The following STK11IP variants were observed in gnomAD, a reference collection of about 807,000 sequenced individuals.
STK11IP encodes serine/threonine-protein kinase 11-interacting protein.
STK11IP carries 103 observed loss-of-function variants against 131.7 expected under a neutral mutation model. The observed-to-expected ratio is 0.78, with a 90% CI of 0.67 to 0.92. STK11IP has a LOEUF of 0.92. STK11IP is among the 40% of genes least tolerant of loss of function. The pLI, the probability that STK11IP is intolerant of heterozygous loss-of-function variation, is 0.00. For synonymous variants in STK11IP, 557 were observed against 575.6 expected, an observed-to-expected ratio of 0.97 and a Z score of 0.46; for missense variants, 1,315 against 1,385.7, an observed-to-expected ratio of 0.95 and a Z score of 0.81.
intron 12 of STK11IP, 23 bp downstream of exon 12, chr2:219,606,881 T>C (rs1304935153): frequency 1.9e-6 from 3 of 1,598,988 alleles, no homozygotes; most frequent in East Asian, 4.5e-5. Flanking sequence ...CTCCGCTGCC[T>C]TGTGCCTGCG....
intron 2 of STK11IP, among the ~76,000 whole-genome samples, chr2:219,599,116 T>G (rs1204144155): frequency 6.6e-6 from 1 of 152,134 alleles, no homozygotes; most frequent in Non-Finnish European, 1.5e-5. Context: ...TGAGACAGAG[T>G]CTTGCTGTGT....
chr2:219,607,943 A>G (rs1698246460), intron 13 of STK11IP, 104 bp from the exon 14 acceptor site: 5 of 1,479,410 alleles, frequency 3.4e-6, no homozygotes, highest in Non-Finnish European at 3.6e-6. Flanking sequence ...CCGTGTCCCC[A>G]TACACAGCCC....
At chr2:219,600,482 T>C (rs1697950658) in intron 2 of STK11IP, among the ~76,000 whole-genome samples, 2 of 152,346 alleles carry the variant, frequency 1.3e-5, no homozygotes, top group African/African-American at 4.8e-5. Context: ...AGGGGACCTT[T>C]CTGTATTATT....
chr2:219,609,731 G>C, intron 17 of STK11IP, 191 bp downstream of exon 17: 14 of 558,804 alleles, frequency 2.5e-5, no homozygotes, highest in Non-Finnish European at 3.3e-5. Flanking sequence ...AAAAAAAGAA[G>C]AAACTATATC....
Position 219,598,174 on chromosome 2 carries a change from G to C in STK11IP, c.55G>C (p.Glu19Gln). 1.3e-6 allele frequency: 2 copies of C among 1,556,418 alleles called. No homozygotes were observed. Among genetic ancestry groups the C allele is most frequent in the East Asian group, 2.4e-5 (1 of 41,000 alleles). ...LLWKLAGLLR[E>Q]SGDVVLSGCS... The stretch of plus-strand genomic sequence containing the variant: ...GTGGAAGCTCGCGGGGTTGCTGCGG[G>C]AGTCCGGTGAGTGGACTTCCGGTTG... The change falls in exon 2 of 25, where the codon GAG becomes CAG. Residue 19 changes from glutamate (E) to glutamine (Q), a missense_variant. Glu to Gln is a conservative substitution (Grantham distance 29, BLOSUM62 2). Transcript: ENST00000456909.
chr2:219,602,835 C>A, intron 7 of STK11IP, 59 bp downstream of exon 7: 1 of 1,513,654 alleles, frequency 6.6e-7, no homozygotes. Flanking sequence ...TCTGCTCTCA[C>A]TCTCTCTCCT....
intron 22 of STK11IP, 94 bp from the exon 23 acceptor site, chr2:219,614,382 C>G: frequency 6.5e-7 from 1 of 1,531,426 alleles, no homozygotes; most frequent in Non-Finnish European, 9.0e-7. Context: ...AGTGTCTCCT[C>G]CCAACCCCCT....
chr2:219,606,625 GTAGGGTC>G, intron 11 of STK11IP, 80 bp from the exon 12 acceptor site: 1 of 1,600,352 alleles, frequency 6.2e-7, no homozygotes, highest in Non-Finnish European at 8.5e-7. Context: ...TCAGTGGAAA[GTAGGGTC>G]CCGCCTTTTG....
At chr2:219,613,714 C>G (rs761697088) in intron 20 of STK11IP, 38 bp from the exon 21 acceptor site, 7 of 1,611,524 alleles carry the variant, frequency 4.3e-6, no homozygotes, top group Non-Finnish European at 5.9e-6. Context: ...TCACTCCACT[C>G]TCATGCTTCT....
At chr2:219,614,759 C>G in intron 23 of STK11IP, 1 of 717,602 alleles carries the variant, frequency 1.4e-6, no homozygotes, top group Admixed American at 2.0e-5. Context: ...TCCTCAGTTA[C>G]CCAGAGCCTT....
chr2:219,606,636 C>T, intron 11 of STK11IP, 76 bp from the exon 12 acceptor site: 6 of 1,596,770 alleles, frequency 3.8e-6, no homozygotes, highest in Non-Finnish European at 5.1e-6. Flanking sequence ...TAGGGTCCCG[C>T]CTTTTGGCTG....
At chr2:219,605,851 G>T (rs1202499710) in intron 8 of STK11IP, 105 bp from the exon 9 acceptor site, 5 of 1,486,676 alleles carry the variant, frequency 3.4e-6, no homozygotes, top group Non-Finnish European at 4.6e-6. Flanking sequence ...GAGTGCAGGG[G>T]TGCTCTGGCC....
intron 23 of STK11IP, 199 bp from the exon 24 acceptor site, chr2:219,614,885 AGTGGGGGGCG>A (rs1698523617): frequency 1.6e-6 from 1 of 639,812 alleles, no homozygotes. Context: ...GGTGTGGGGC[AGTGGGGGGCG>A]GTAGGCCTCA....
At chr2:219,605,204 G>A (rs942742664) in intron 7 of STK11IP, among the ~76,000 whole-genome samples, 1 of 152,128 alleles carries the variant, frequency 6.6e-6, no homozygotes, top group East Asian at 1.9e-4. Context: ...CTGGGGGAGT[G>A]GAAATCAGGT....
rs1698005341 is a variant in STK11IP at position 219,602,073 on chromosome 2, A to G, written c.428A>G (p.Gln143Arg). The G allele has an allele frequency of 1.2e-6, 2 of 1,603,290 alleles. No individual in the cohort carries two copies. Among genetic ancestry groups the G allele is most frequent in the Non-Finnish European group, 1.7e-6 (2 of 1,174,990 alleles). ...LETLICSRSL[Q>R]ALEELLSACG... is the part of the protein sequence containing the mutation. ...ACCCTGATTTGCAGCAGGAGCCTCC[A>G]GGCATTAGAGGTAAGGAGAGTGAGG... The change falls in exon 5 of 25, where the codon CAG (glutamine) becomes CGG (arginine). Residue 143 changes from glutamine to arginine, a missense_variant. Physicochemically the swap from Gln to Arg is conservative, Grantham distance 43. Transcript: ENST00000456909.
Position 219,606,802 on chromosome 2 carries a change from A to C in STK11IP, c.1078A>C (p.Ser360Arg), listed in dbSNP as rs755337172. 9.3e-6 allele frequency: 15 copies of C among 1,613,536 alleles called. No homozygotes were observed. Among genetic ancestry groups the C allele is most frequent in the African/African-American group, 1.3e-5 (1 of 74,912 alleles). ...TPETSGGPDLSDSLSSGGVVT... is the reference protein window; with the variant it reads ...TPETSGGPDLRDSLSSGGVVT... ...TGAAACCTCAGGTGGCCCTGACCTG[A>C]GTGACAGCCTCTCCTCAGGGGGTGT... The change falls in exon 12 of 25, where the codon AGT becomes CGT. Residue 360 changes from serine (S) to arginine (R), a missense_variant. Ser to Arg is a moderately radical substitution (Grantham distance 110, BLOSUM62 -1). Transcript: ENST00000456909.
At chr2:219,602,266 CA>C (rs1698011852) in intron 5 of STK11IP, among the ~76,000 whole-genome samples, 183 bp downstream of exon 5, 1 of 152,178 alleles carries the variant, frequency 6.6e-6, no homozygotes, top group African/African-American at 2.4e-5. Context: ...TCGTACCTAC[CA>C]TATTATATTA....
rs775323669 is a variant in STK11IP at position 219,608,612 on chromosome 2, C to G, written c.1633C>G (p.Pro545Ala). ...ACTCTGTCGCCCCTTGTTGGTGTGT[C>G]CCCTGGAGGGGCCTGAGGGCGTACG... ...AELCRPLLVC[P>A]LEGPEGVRGR... Residue 545 changes from proline to alanine, a missense_variant, in exon 15 of 25, where the codon CCC (proline) becomes GCC (alanine). By Grantham distance (27) the Pro-to-Ala change is conservative. Coordinates refer to ENST00000456909, the MANE Select transcript of STK11IP (RefSeq NM_052902.4). 1.1e-5 allele frequency: 17 copies of G among 1,608,474 alleles called. No homozygotes were observed. The African/African-American group carries it at 1.2e-4, about 11-fold the overall frequency.
chr2:219,613,722 T>A, intron 20 of STK11IP, 30 bp from the exon 21 acceptor site: 1 of 1,611,938 alleles, frequency 6.2e-7, no homozygotes, highest in Non-Finnish European at 8.5e-7. Context: ...CTCTCATGCT[T>A]CTCCATTGCT....
Sources: allele counts gnomAD v4.1 joint callset (sites outside exome capture counted in the v4.1 genomes callset), GRCh38; gene constraint gnomAD v4.1.1; transcripts MANE v1.5; gene names NCBI Gene and HGNC (gene_info 2026-07-23, HGNC 2026-07-21).